Variants in OTUD7A observed in about 807,000 individuals in gnomAD.
OTUD7A encodes OTU deubiquitinase 7A.
A neutral mutation model predicts 65.7 loss-of-function variants in OTUD7A; 12 were observed. The observed-to-expected ratio is 0.18, with a 90% confidence interval of 0.12 to 0.30. The LOEUF (loss-of-function observed/expected upper bound fraction) is 0.30, where lower values mean the gene tolerates loss of function less well. Among genes scored for constraint, OTUD7A ranks in the 10% least tolerant of loss-of-function variants. The probability of loss-of-function intolerance (pLI) is 1.00; values close to 1 mark genes in which losing one functional copy is unlikely to be tolerated. For missense variants in OTUD7A, 1,148 were observed against 1,304.8 expected (o/e 0.88, Z 1.85); for synonymous variants, 641 against 586.3 (o/e 1.09, Z -1.35).
intron 3 of OTUD7A, among the ~76,000 whole-genome samples, chr15:31,581,448 C>T (rs757923997): frequency 4.6e-5 from 7 of 152,268 alleles, no homozygotes; most frequent in Non-Finnish European, 7.3e-5. Flanking sequence ...TTCCCTTCCA[C>T]ACTGCACTAG....
intron 1 of OTUD7A, among the ~76,000 whole-genome samples, chr15:31,710,152 A>G (rs2654062): frequency 0.74 from 109,392 of 148,260 alleles, 40,557 homozygotes; most frequent in South Asian, 0.81. Flanking sequence ...GCCATGAGTG[A>G]TAGGATCCTA....
At chr15:31,576,660 G>A (rs563963889) in intron 3 of OTUD7A, among the ~76,000 whole-genome samples, 1 of 152,274 alleles carries the variant, frequency 6.6e-6, no homozygotes, top group South Asian at 2.1e-4. Flanking sequence ...CTATGTCATG[G>A]ACCATTGGTC....
intron 3 of OTUD7A, among the ~76,000 whole-genome samples, chr15:31,637,068 C>T (rs989276212): frequency 9.2e-5 from 14 of 152,262 alleles, no homozygotes; most frequent in Middle Eastern, 3.4e-3. Context: ...TAGCTAACAT[C>T]GCTGATTAAG....
At chr15:31,711,888 A>G (rs4779915) in intron 1 of OTUD7A, among the ~76,000 whole-genome samples, 34,268 of 151,896 alleles carry the variant, frequency 0.23, 4,093 homozygotes, top group Admixed American at 0.29. Flanking sequence ...TACCAGGACA[A>G]TGGCCTGAAA....
At chr15:31,727,687 G>C (rs1893930336) in intron 1 of OTUD7A, among the ~76,000 whole-genome samples, 1 of 152,274 alleles carries the variant, frequency 6.6e-6, no homozygotes, top group South Asian at 2.1e-4. Flanking sequence ...AGATCCATGG[G>C]ATGGCCCTGT....
chr15:31,747,971 C>CAGG (rs1459000904), intron 1 of OTUD7A, among the ~76,000 whole-genome samples: 1 of 152,092 alleles, frequency 6.6e-6, no homozygotes, highest in African/African-American at 2.4e-5. Context: ...TTAACTTGTC[C>CAGG]ATGCTCTTGG....
At chr15:31,786,340 G>A (rs1413407910) in intron 1 of OTUD7A, among the ~76,000 whole-genome samples, 1 of 152,232 alleles carries the variant, frequency 6.6e-6, no homozygotes, top group Non-Finnish European at 1.5e-5. Context: ...TTATTATCCA[G>A]TAGAACAAAT....
chr15:31,540,844 A>G (rs138443306), intron 5 of OTUD7A, among the ~76,000 whole-genome samples: 7 of 152,330 alleles, frequency 4.6e-5, no homozygotes, highest in African/African-American at 1.4e-4. Flanking sequence ...TCATGCAAGA[A>G]AGACTATGAA....
At chr15:31,632,591 G>A (rs1367718598) in intron 3 of OTUD7A, among the ~76,000 whole-genome samples, 1 of 152,272 alleles carries the variant, frequency 6.6e-6, no homozygotes, top group Non-Finnish European at 1.5e-5. Context: ...TGAGGAGGCA[G>A]TCTGCCCGTT....
rs1286592689 is a variant in OTUD7A, at chr15:31,483,242, G to A, written c.*52C>T. On this transcript the variant is annotated 3_prime_UTR_variant, in exon 13 of 13. Transcript: ENST00000307050. The stretch of plus-strand genomic sequence containing the variant: ...ATGTAAAAAAGACACCGACACAATG[G>A]AAAAGAAATCCTCGAAGGTAGAACC... 3 of 1,060,308 alleles carry A rather than the reference G, an allele frequency of 2.8e-6. No homozygotes were observed. Among genetic ancestry groups the A allele is most frequent in the South Asian group, 4.4e-5 (1 of 22,846 alleles). The allele number at this position is 1,060,308 out of a possible 1,614,324, so 65.7% of individuals were successfully genotyped here.
Position 31,483,049 on chromosome 15 carries a change from A to C in OTUD7A, c.*245T>G. Reference sequence around the variant, plus strand: ...CAATGGCTATTGAGTTTCCACAGGTACGAGGCAGATGCTAGGCTAGCACAC... The same window carrying C: ...CAATGGCTATTGAGTTTCCACAGGTCCGAGGCAGATGCTAGGCTAGCACAC... On this transcript the variant is annotated 3_prime_UTR_variant, in exon 13 of 13. Coordinates refer to ENST00000307050, the MANE Select transcript of OTUD7A (RefSeq NM_001382637.1). 1 of 188,862 alleles carries C rather than the reference A, an allele frequency of 5.3e-6. No individual in the cohort carries two copies. The highest frequency in any genetic ancestry group is 1.0e-5 in the Non-Finnish European group (1 of 97,878). 11.7% of individuals were successfully genotyped at this position (188,862 alleles called of 1,614,324 possible).
chr15:31,648,488 C>T (rs1258426128), intron 3 of OTUD7A, among the ~76,000 whole-genome samples: 1 of 152,194 alleles, frequency 6.6e-6, no homozygotes, highest in Non-Finnish European at 1.5e-5. Context: ...GCTTGGACCA[C>T]CACTCTTTGT....
At chr15:31,687,253 G>T (rs1216235320) in intron 1 of OTUD7A, among the ~76,000 whole-genome samples, 2 of 152,132 alleles carry the variant, frequency 1.3e-5, no homozygotes, top group African/African-American at 4.8e-5. Flanking sequence ...GAAGCCGATG[G>T]GGGAGTGCAC....
chr15:31,608,238 T>G (rs1890293072), intron 3 of OTUD7A, among the ~76,000 whole-genome samples: 1 of 151,764 alleles, frequency 6.6e-6, no homozygotes, highest in African/African-American at 2.4e-5. Flanking sequence ...TGAGACTCCA[T>G]CTCAAAGAAG....
intron 1 of OTUD7A, among the ~76,000 whole-genome samples, chr15:31,791,944 GA>G (rs1380588196): frequency 6.6e-6 from 1 of 151,996 alleles, no homozygotes; most frequent in African/African-American, 2.4e-5. Context: ...ATGATGTAGA[GA>G]AGATACTCAG....
chr15:31,483,942 C>T lies in OTUD7A; in HGVS notation c.2154G>A (p.Pro718=), dbSNP rs1383384238. The part of the protein sequence containing the change: ...EGVPVPERAS[P]GPPTQLVLKL... The stretch of plus-strand genomic sequence containing the variant: ...TGAGCACCAGCTGCGTGGGTGGGCC[C>T]GGAGAGGCGCGCTCCGGGACCGGCA... The change falls in exon 13 of 13, where the codon CCG becomes CCA. Residue 718 remains proline (P), a synonymous_variant. Coordinates refer to ENST00000307050, the MANE Select transcript of OTUD7A (RefSeq NM_001382637.1). 78 of 1,111,390 alleles carry T rather than the reference C, an allele frequency of 7.0e-5. No homozygotes were observed. Among genetic ancestry groups the T allele is most frequent in the Non-Finnish European group, 8.6e-5 (78 of 902,740 alleles). 68.8% of individuals were successfully genotyped at this position (1,111,390 alleles called of 1,614,324 possible). A position where few individuals can be genotyped will look rare whatever the true frequency, so the allele number is the denominator to read the frequency against.
intron 1 of OTUD7A, among the ~76,000 whole-genome samples, chr15:31,660,332 C>T (rs1035741256): frequency 7.9e-5 from 12 of 152,340 alleles, no homozygotes; most frequent in Middle Eastern, 3.4e-3. Flanking sequence ...CCTTGCCAGA[C>T]GCCATTGTGA....
chr15:31,719,996 A>G (rs1427967189), intron 1 of OTUD7A, among the ~76,000 whole-genome samples: 1 of 152,240 alleles, frequency 6.6e-6, no homozygotes, highest in Non-Finnish European at 1.5e-5. Context: ...TGACACATAT[A>G]TACTATATTT....
At chr15:31,585,301 T>C (rs11071199) in intron 3 of OTUD7A, among the ~76,000 whole-genome samples, 49,901 of 152,150 alleles carry the variant, frequency 0.33, 10,726 homozygotes, top group African/African-American at 0.61. Context: ...AGACAAGCTC[T>C]AGGTTCTCAA....
Sources: allele counts gnomAD v4.1 joint callset (sites outside exome capture counted in the v4.1 genomes callset), GRCh38; gene constraint gnomAD v4.1.1; transcripts MANE v1.5; gene names NCBI Gene and HGNC (gene_info 2026-07-23, HGNC 2026-07-21).